The following GTPBP6 variants were observed in gnomAD, a reference collection of about 807,000 sequenced individuals.
The protein encoded by GTPBP6 is putative GTP-binding protein 6.
Under a neutral mutation model 28.9 loss-of-function variants are expected in GTPBP6, and 33 were observed. That is an observed-to-expected ratio of 1.14 (90% CI 0.87 to 1.53). GTPBP6 has a LOEUF of 1.53. Among genes scored for constraint, GTPBP6 ranks in the 40% most tolerant of loss-of-function variants. GTPBP6 has a pLI of 0.00. For missense variants in GTPBP6, 507 were observed against 408.3 expected (o/e 1.24, Z -2.08); for synonymous variants, 231 against 192.7 (o/e 1.20, Z -1.65).
At chrX:314,821 G>T (rs1449582633) in intron 4 of GTPBP6, 69 bp downstream of exon 4, 1 of 405,716 alleles carries the variant, frequency 2.5e-6, no homozygotes, top group East Asian at 3.5e-5. Flanking sequence ...CGCCCTACAG[G>T]TGACTACAGA....
At chrX:318,225 A>C (rs2070476349) in intron 1 of GTPBP6, among the ~76,000 whole-genome samples, 2 of 130,300 alleles carry the variant, frequency 1.5e-5, no homozygotes, top group African/African-American at 3.0e-5. Flanking sequence ...CCCGCCCCTG[A>C]ATCTCCACCT....
intron 4 of GTPBP6, among the ~76,000 whole-genome samples, 168 bp downstream of exon 4, chrX:314,722 C>T (rs1201376176): frequency 2.1e-3 from 316 of 152,012 alleles, no homozygotes; most frequent in African/African-American, 7.0e-3. Context: ...GTGATCCGCC[C>T]ACCTCGGCCT....
intron 7 of GTPBP6, among the ~76,000 whole-genome samples, chrX:310,850 G>GT (rs2070271825): frequency 6.6e-6 from 1 of 151,950 alleles, no homozygotes; most frequent in Admixed American, 6.6e-5. Flanking sequence ...GACCCCACAG[G>GT]TGTTTCCAGG....
chrX:316,823 C>A (rs1185740757), intron 2 of GTPBP6, 91 bp downstream of exon 2: 11 of 399,006 alleles, frequency 2.8e-5, no homozygotes, highest in Non-Finnish European at 4.4e-5. Context: ...CCCGCAAGAC[C>A]CCCGTACTTC....
At chrX:305,643 T>TG (rs2070146049) in intron 9 of GTPBP6, among the ~76,000 whole-genome samples, 1 of 133,022 alleles carries the variant, frequency 7.5e-6, no homozygotes, top group South Asian at 2.5e-4. Context: ...TTTTTTTTTT[T>TG]GAGACAGAGT....
chrX:305,917 C>T (rs1196279713), intron 9 of GTPBP6, among the ~76,000 whole-genome samples: 2 of 152,094 alleles, frequency 1.3e-5, no homozygotes, highest in African/African-American at 4.8e-5. Flanking sequence ...AGCCACCCCA[C>T]CTGGGGTGGT....
chrX:312,610 C>A (rs1482571347), intron 6 of GTPBP6, 156 bp downstream of exon 6: 1 of 786,868 alleles, frequency 1.3e-6, no homozygotes, highest in Non-Finnish European at 2.2e-6. Flanking sequence ...GTGTACCCCA[C>A]ACGGCGACCA....
chrX:306,263 T>C (rs2070161386), intron 9 of GTPBP6, among the ~76,000 whole-genome samples: 1 of 148,716 alleles, frequency 6.7e-6, no homozygotes. Flanking sequence ...AATGTACATT[T>C]TGACTGTCAG....
intron 3 of GTPBP6, 34 bp from the exon 4 acceptor site, chrX:315,054 G>C: frequency 2.5e-6 from 1 of 398,764 alleles, no homozygotes; most frequent in East Asian, 3.6e-5. Context: ...GAAGCCACGG[G>C]GGAAGGCCGG....
At chrX:317,412 G>T (rs1307490159) in intron 1 of GTPBP6, among the ~76,000 whole-genome samples, 39 of 152,122 alleles carry the variant, frequency 2.6e-4, no homozygotes, top group African/African-American at 9.2e-4. Context: ...AGCAGTTCGG[G>T]GCTTCATCTG....
exon 5 of GTPBP6, chrX:314,185 T>C (rs777147839): frequency 1.9e-6 from 3 of 1,613,370 alleles, no homozygotes; most frequent in African/African-American, 1.3e-5. Flanking sequence ...GACTCCTCGG[T>C]ACAGGTGGGC....
chrX:311,713 A>G (rs1248982049), intron 6 of GTPBP6, 86 bp from the exon 7 acceptor site: 19 of 1,130,360 alleles, frequency 1.7e-5, no homozygotes, highest in Non-Finnish European at 2.5e-5. Flanking sequence ...AATGGAGACC[A>G]CGGCACCCTC....
rs140188384 is a variant in GTPBP6, at chrX:307,377, G to A, written c.1410C>T (p.Leu470=). The change falls in exon 9 of 10, where the codon CTC becomes CTT. Residue 470 remains leucine (L), a synonymous_variant. Coordinates refer to ENST00000326153, the Ensembl canonical transcript of GTPBP6. ...CCGCTCACCTGAGCTGCGCCCCTGCGAGCCTCACACGGAGAGTGAGGATCT... is the reference window on the plus strand; with the variant it reads ...CCGCTCACCTGAGCTGCGCCCCTGCAAGCCTCACACGGAGAGTGAGGATCT... 9.9e-4 allele frequency: 1,600 copies of A among 1,612,320 alleles called. 15 individuals carry two copies. The African/African-American group carries it at 0.019, about 19-fold the overall frequency.
intron 8 of GTPBP6, 79 bp from the exon 9 acceptor site, chrX:307,591 C>A: frequency 6.6e-7 from 1 of 1,508,874 alleles, no homozygotes; most frequent in Non-Finnish European, 9.0e-7. Context: ...GAGTCCACTG[C>A]CCACGGGGCA....
chrX:316,723 G>C (rs1284386704), intron 2 of GTPBP6, among the ~76,000 whole-genome samples, 191 bp downstream of exon 2: 1 of 152,010 alleles, frequency 6.6e-6, no homozygotes, highest in East Asian at 1.9e-4. Flanking sequence ...TGTGAATCTC[G>C]ACACAGATAA....
At chrX:317,716 ACCCCACCCCACCCCACGGACCCCACGGG>A (rs1272374173) in intron 1 of GTPBP6, among the ~76,000 whole-genome samples, 1 of 7,070 alleles carries the variant, frequency 1.4e-4, no homozygotes, top group African/African-American at 5.4e-4. Context: ...ACCCCACCCC[ACCCCACCCCACCCCACGGACCCCACGGG>A]CCCCACCCCA....
intron 3 of GTPBP6, 99 bp from the exon 4 acceptor site, chrX:315,119 C>G: frequency 5.0e-6 from 2 of 398,530 alleles, no homozygotes; most frequent in Non-Finnish European, 8.8e-6. Flanking sequence ...TTAACCCCAC[C>G]GTGTCCCCAT....
At chrX:318,442 G>C (rs1436070840) in exon 1 of GTPBP6, 3 of 395,438 alleles carry the variant, frequency 7.6e-6, no homozygotes, top group Non-Finnish European at 1.3e-5. Flanking sequence ...CGGTCACCTC[G>C]AGTCATCTGC....
chrX:314,765 C>T (rs1236123586), intron 4 of GTPBP6, 125 bp downstream of exon 4: 108 of 411,840 alleles, frequency 2.6e-4, no homozygotes, highest in Middle Eastern at 1.9e-3. Flanking sequence ...CGTGAGCCAC[C>T]GCGCCCGGCC....
Sources: allele counts gnomAD v4.1 joint callset (sites outside exome capture counted in the v4.1 genomes callset), GRCh38; gene constraint gnomAD v4.1.1; transcripts MANE v1.5; gene names NCBI Gene and HGNC (gene_info 2026-07-23, HGNC 2026-07-21).